HIVEP1: variants seen among roughly 807,000 people sequenced by gnomAD.
HIVEP1 encodes zinc finger protein 40.
Under a neutral mutation model 180.0 loss-of-function variants are expected in HIVEP1, and 36 were observed. The ratio of observed to expected loss-of-function variants is 0.20; its 90% CI spans 0.15 to 0.26. The LOEUF (loss-of-function observed/expected upper bound fraction) is 0.26, where lower values mean the gene tolerates loss of function less well. Among genes scored for constraint, HIVEP1 ranks in the 10% least tolerant of loss-of-function variants. The pLI is 1.00. For synonymous variants in HIVEP1, 1,239 were observed against 1,239.0 expected, an observed-to-expected ratio of 1.00 and a Z score of 0.00; for missense variants, 3,143 against 3,268.7, an observed-to-expected ratio of 0.96 and a Z score of 0.94.
At chr6:12,196,017 C>G in the HIVEP1 span, among the ~76,000 whole-genome samples, 3 of 152,170 alleles carry the variant, frequency 2.0e-5, no homozygotes, top group Non-Finnish European at 4.4e-5. Context: ...TTGTAATAAT[C>G]TTGCAACTAA....
At chr6:12,041,009 T>C (rs972921729) in intron 2 of HIVEP1, among the ~76,000 whole-genome samples, 2 of 152,200 alleles carry the variant, frequency 1.3e-5, no homozygotes, top group African/African-American at 4.8e-5. Flanking sequence ...GGCATTACAA[T>C]ACAACATGAG....
chr6:12,034,186 C>G (rs949508831), intron 2 of HIVEP1, among the ~76,000 whole-genome samples: 2 of 152,092 alleles, frequency 1.3e-5, no homozygotes, highest in African/African-American at 4.8e-5. Context: ...AAGAGTCAAG[C>G]AAGAAGTTAT....
rs977076204 is a variant in HIVEP1, at chr6:12,121,154, G to T, written c.1359G>T (p.Lys453Asn). The T allele has an allele frequency of 2.5e-6, 4 of 1,614,154 alleles. No homozygotes were observed. Among genetic ancestry groups the T allele is most frequent in the South Asian group, 1.1e-5 (1 of 91,082 alleles). ...CTAAAAGTAATCTGTATAAGCACAAGAAATCCCACGCACATACTATCAAAC... is the reference window on the plus strand; with the variant it reads ...CTAAAAGTAATCTGTATAAGCACAATAAATCCCACGCACATACTATCAAAC... Reference protein sequence around the residue: ...FKTKSNLYKHKKSHAHTIKLG... With the variant: ...FKTKSNLYKHNKSHAHTIKLG... Residue 453 changes from lysine to asparagine, a missense_variant, in exon 4 of 9, where the codon AAG becomes AAT. Coordinates refer to ENST00000379388, the MANE Select transcript of HIVEP1 (RefSeq NM_002114.4). This position sits in a 1 kb window ranked among gnomAD's most constrained non-coding sequence, Gnocchi z 5.3.
At chr6:12,145,517 A>T (rs976728650) in intron 7 of HIVEP1, among the ~76,000 whole-genome samples, 2 of 88,976 alleles carry the variant, frequency 2.2e-5, no homozygotes, top group African/African-American at 6.8e-5. Context: ...TTAAAGTATA[A>T]AAAAAAAAAA....
At chr6:12,018,370 G>A (rs1767974786) in intron 2 of HIVEP1, among the ~76,000 whole-genome samples, 1 of 152,234 alleles carries the variant, frequency 6.6e-6, no homozygotes, top group South Asian at 2.1e-4. Context: ...CCTCAAGCGC[G>A]GCCAGAGTGG....
At chr6:12,023,713 T>C (rs1030979342) in intron 2 of HIVEP1, among the ~76,000 whole-genome samples, 20 of 152,306 alleles carry the variant, frequency 1.3e-4, no homozygotes, top group Middle Eastern at 3.4e-3. Flanking sequence ...TGATGCTTTC[T>C]GAATGCTTAT....
intron 3 of HIVEP1, among the ~76,000 whole-genome samples, chr6:12,099,245 G>A (rs909184233): frequency 2.8e-4 from 42 of 151,486 alleles, no homozygotes; most frequent in African/African-American, 9.7e-4. Context: ...GCAGTGGCGG[G>A]ATCTCGGCTC....
chr6:12,009,120 T>TGGCGGCGGCGGCGGCGGCGGCGGC (rs950139776), upstream of HIVEP1, among the ~76,000 whole-genome samples: 45 of 146,056 alleles, frequency 3.1e-4, no homozygotes, highest in East Asian at 9.1e-3. Context: ...CGCGTGGCGG[T>TGGCGGCGGCGGCGGCGGCGGCGGC]GGCGGCGGCG....
At chr6:12,098,882 A>T (rs774734109) in intron 3 of HIVEP1, among the ~76,000 whole-genome samples, 1 of 152,238 alleles carries the variant, frequency 6.6e-6, no homozygotes, top group Non-Finnish European at 1.5e-5. Context: ...GCTATGCTAT[A>T]TGCAGGAAAT....
chr6:12,199,113 C>T, the HIVEP1 span, among the ~76,000 whole-genome samples: 1 of 152,176 alleles, frequency 6.6e-6, no homozygotes, highest in Admixed American at 6.5e-5. Flanking sequence ...AAGGTCCTTA[C>T]AGTCTGTAAC....
chr6:12,147,346 A>G (rs561640428), intron 7 of HIVEP1, among the ~76,000 whole-genome samples: 1 of 152,322 alleles, frequency 6.6e-6, no homozygotes, highest in Non-Finnish European at 1.5e-5. Flanking sequence ...AAATAGTGAC[A>G]CATACAGTGT....
chr6:12,165,728 T>G (rs973940713), downstream of HIVEP1, among the ~76,000 whole-genome samples: 2 of 152,238 alleles, frequency 1.3e-5, no homozygotes, highest in African/African-American at 4.8e-5. Flanking sequence ...GTATTCACAT[T>G]TTTAAAGGCT....
rs565415924 is a variant in HIVEP1 at position 12,147,984 on chromosome 6, T to G, written c.6487+12092T>G. Among the ~76,000 whole-genome samples the G allele has an allele frequency of 8.5e-5, 13 of 152,348 alleles. No individual in the cohort carries two copies. In the South Asian group the frequency reaches 2.7e-3, roughly 32 times the overall value. ...TGTACTTGTCCTACTTTAACGCTTC[T>G]GTATATGTTTTAAAACCTTGCCCCA... On this transcript the variant is annotated intron_variant, in intron 7 of 8. Coordinates refer to ENST00000379388, the MANE Select transcript of HIVEP1 (RefSeq NM_002114.4).
At chr6:12,033,321 C>CAT (rs1241371648) in intron 2 of HIVEP1, among the ~76,000 whole-genome samples, 6 of 133,520 alleles carry the variant, frequency 4.5e-5, no homozygotes, top group Admixed American at 7.4e-5. Flanking sequence ...AGTAGAGGAG[C>CAT]ATGTGTGTGT....
the HIVEP1 span, among the ~76,000 whole-genome samples, chr6:12,174,731 G>C: frequency 6.6e-6 from 1 of 152,146 alleles, no homozygotes; most frequent in East Asian, 1.9e-4. Context: ...TAGAATTTCA[G>C]TTGAAATAGA....
At chr6:12,168,698 G>A (rs996465209), downstream of HIVEP1, among the ~76,000 whole-genome samples, 4 of 151,928 alleles carry the variant, frequency 2.6e-5, no homozygotes, top group African/African-American at 4.8e-5. Context: ...AGCCAGCTAC[G>A]TGATTGTAAC....
intron 2 of HIVEP1, among the ~76,000 whole-genome samples, chr6:12,077,281 T>C (rs1455040336): frequency 1.3e-5 from 2 of 152,202 alleles, no homozygotes; most frequent in African/African-American, 4.8e-5. Flanking sequence ...GTATTTAATT[T>C]GCGATGTACC....
In HIVEP1 at chr6:12,060,627, C is replaced by T. The variant is rs75768078; in HGVS notation, c.41-28557C>T. Among the ~76,000 whole-genome samples, 1,022 of 152,216 alleles carry T rather than the reference C, an allele frequency of 6.7e-3. 5 individuals carry two copies. The highest frequency in any genetic ancestry group is 0.023 in the African/African-American group (960 of 41,516). ...AGTTAATATCTTAAAGGACTCTTAT[C>T]TCAAATACTAGGATGCTGAGACATA... On this transcript the variant is annotated intron_variant, in intron 2 of 8. Coordinates refer to ENST00000379388, the MANE Select transcript of HIVEP1 (RefSeq NM_002114.4).
chr6:12,125,308 A>G lies in HIVEP1; in HGVS notation c.5513A>G (p.Asn1838Ser), dbSNP rs116492646. 3,318 of 1,613,888 alleles carry G rather than the reference A, an allele frequency of 2.1e-3. 56 individuals are homozygous for G. In the African/African-American group the frequency reaches 0.035, roughly 17 times the overall value. Reference protein sequence around the residue: ...VNLTNVLPADNSSTGCSKFVV... With the variant: ...VNLTNVLPADSSSTGCSKFVV... ...TTGACAAATGTTTTACCAGCTGATA[A>G]TTCATCAACAGGATGCTCTAAATTT... is the stretch of plus-strand genomic sequence containing the variant. Residue 1838 changes from asparagine (N) to serine (S), a missense_variant, in exon 4 of 9, where the codon AAT becomes AGT. Asn to Ser is a conservative substitution (Grantham distance 46, BLOSUM62 1). Coordinates refer to ENST00000379388, the MANE Select transcript of HIVEP1 (RefSeq NM_002114.4).
Sources: allele counts gnomAD v4.1 joint callset (sites outside exome capture counted in the v4.1 genomes callset), GRCh38; gene constraint gnomAD v4.1.1; non-coding constraint Gnocchi (gnomAD v3.1); transcripts MANE v1.5; gene names NCBI Gene and HGNC (gene_info 2026-07-23, HGNC 2026-07-21).